Variants in WDR59 observed in about 807,000 individuals in gnomAD.
WDR59 encodes the protein WD repeat domain 59.
In WDR59, 100 loss-of-function variants were observed where a neutral mutation model predicts 131.2. The observed-to-expected ratio is 0.76, with a 90% CI of 0.65 to 0.90. The LOEUF is 0.90. WDR59 is among the 40% of genes least tolerant of loss of function. WDR59 has a pLI of 0.00. For synonymous variants in WDR59, 601 were observed against 466.2 expected (o/e 1.29, Z -3.72); for missense variants, 1,203 against 1,262.2 (o/e 0.95, Z 0.71).
intron 9 of WDR59, among the ~76,000 whole-genome samples, chr16:74,922,705 CCA>C (rs1483909554): frequency 6.6e-6 from 1 of 152,198 alleles, no homozygotes; most frequent in East Asian, 1.9e-4. Context: ...AAGGAATAAA[CCA>C]CAGTCACCAA....
At chr16:74,937,251 A>G (rs1264379236) in intron 8 of WDR59, among the ~76,000 whole-genome samples, 2 of 152,328 alleles carry the variant, frequency 1.3e-5, no homozygotes, top group East Asian at 3.9e-4. Flanking sequence ...GGGTTACTGA[A>G]ACACATAAAA....
intron 8 of WDR59, among the ~76,000 whole-genome samples, chr16:74,929,902 A>G (rs2031225148): frequency 6.6e-6 from 1 of 152,244 alleles, no homozygotes; most frequent in Non-Finnish European, 1.5e-5. Context: ...ACTAGAGGAC[A>G]TTATGTTCAG....
intron 7 of WDR59, among the ~76,000 whole-genome samples, chr16:74,940,392 A>G (rs1474406129): frequency 6.6e-6 from 1 of 151,730 alleles, no homozygotes; most frequent in African/African-American, 2.4e-5. Context: ...AAAAAAAAAA[A>G]ACAACAACAA....
intron 25 of WDR59, among the ~76,000 whole-genome samples, chr16:74,877,932 C>G (rs1175150920): frequency 2.0e-5 from 3 of 152,186 alleles, no homozygotes; most frequent in Admixed American, 2.0e-4. Flanking sequence ...TGCTTATATC[C>G]AATCACCTCT....
At position 74,984,876 on chromosome 16, in the gene WDR59, G is replaced by A. The variant is rs978707645; in HGVS notation, c.54+88C>T. The A allele has an allele frequency of 1.6e-4, 241 of 1,540,824 alleles. 2 individuals carry two copies. The South Asian group carries it at 2.5e-3, about 16-fold the overall frequency. ...TCAGTACGGGGCCTAGGGTCTCCCC[G>A]TAGCCCCCCGGGACGGAAGCAGCCG... is the stretch of plus-strand genomic sequence containing the variant. On this transcript the variant is annotated intron_variant, in intron 1 of 25. Transcript: ENST00000262144.
chr16:74,981,890 A>C (rs2034444696), intron 1 of WDR59, among the ~76,000 whole-genome samples: 1 of 137,126 alleles, frequency 7.3e-6, no homozygotes, highest in South Asian at 2.3e-4. Context: ...TCCTGACCTC[A>C]GGTGATCCGC....
At chr16:74,933,546 T>C (rs535389148) in intron 8 of WDR59, among the ~76,000 whole-genome samples, 97 of 152,234 alleles carry the variant, frequency 6.4e-4, no homozygotes, top group Non-Finnish European at 1.1e-3. Flanking sequence ...TATTTAACTT[T>C]AGTTTCACTA....
intron 8 of WDR59, among the ~76,000 whole-genome samples, chr16:74,934,888 T>C (rs1466949057): frequency 2.0e-5 from 3 of 151,886 alleles, no homozygotes; most frequent in African/African-American, 7.3e-5. Flanking sequence ...TCCTTGAGGG[T>C]TGATGTCCTA....
intron 15 of WDR59, 68 bp downstream of exon 15, chr16:74,909,753 AT>A: frequency 6.3e-7 from 1 of 1,581,758 alleles, no homozygotes; most frequent in Non-Finnish European, 8.6e-7. Context: ...AAAACCCATG[AT>A]TTTAGGGAGA....
intron 13 of WDR59, among the ~76,000 whole-genome samples, chr16:74,912,848 T>C (rs1966167720): frequency 6.6e-6 from 1 of 152,242 alleles, no homozygotes; most frequent in African/African-American, 2.4e-5. Flanking sequence ...TGGCTAGCTA[T>C]CTGCAGCAGG....
chr16:74,926,361 G>T (rs545070760), intron 8 of WDR59, among the ~76,000 whole-genome samples: 217 of 152,136 alleles, frequency 1.4e-3, no homozygotes, highest in African/African-American at 4.7e-3. Context: ...CCCAGCTGAT[G>T]TATAATCATT....
chr16:74,942,697 G>A (rs1192007203), intron 7 of WDR59, 41 bp downstream of exon 7: 1 of 1,594,200 alleles, frequency 6.3e-7, no homozygotes, highest in South Asian at 1.1e-5. Flanking sequence ...CCCTCTGGGA[G>A]GGATCAAAGA....
intron 11 of WDR59, 21 bp from the exon 12 acceptor site, chr16:74,916,280 T>G: frequency 6.2e-7 from 1 of 1,613,382 alleles, no homozygotes; most frequent in East Asian, 2.2e-5. Flanking sequence ...GGGTAGAAGA[T>G]GTAGTTCTAG....
At chr16:74,880,199 G>A (rs12918687) in intron 25 of WDR59, among the ~76,000 whole-genome samples, 620 of 152,278 alleles carry the variant, frequency 4.1e-3, no homozygotes, top group Admixed American at 8.0e-3. Flanking sequence ...TGTAATCCCA[G>A]CACTTTGGGA....
At chr16:74,902,639 TG>T (rs1487479345) in intron 18 of WDR59, among the ~76,000 whole-genome samples, 1 of 152,142 alleles carries the variant, frequency 6.6e-6, no homozygotes, top group Non-Finnish European at 1.5e-5. Context: ...CCTCTTGGAT[TG>T]AAAGACCTCC....
intron 8 of WDR59, among the ~76,000 whole-genome samples, chr16:74,936,740 C>A (rs542591580): frequency 6.6e-6 from 1 of 151,998 alleles, no homozygotes; most frequent in Non-Finnish European, 1.5e-5. Context: ...GCAGGAGAAT[C>A]GCTTGAACCC....
intron 2 of WDR59, among the ~76,000 whole-genome samples, chr16:74,959,007 C>T (rs894349572): frequency 9.2e-5 from 14 of 152,024 alleles, no homozygotes; most frequent in African/African-American, 3.4e-4. Flanking sequence ...TGCAGTGAGC[C>T]GAGATCGCAC....
At chr16:74,936,345 T>C (rs1271907969) in intron 8 of WDR59, among the ~76,000 whole-genome samples, 2 of 151,932 alleles carry the variant, frequency 1.3e-5, no homozygotes, top group Non-Finnish European at 2.9e-5. Flanking sequence ...AAAGAAAAAA[T>C]ATATAAAGTC....
intron 13 of WDR59, among the ~76,000 whole-genome samples, chr16:74,913,654 A>G (rs1966216129): frequency 6.6e-6 from 1 of 152,174 alleles, no homozygotes; most frequent in Non-Finnish European, 1.5e-5. Flanking sequence ...GAAACTTGTT[A>G]TATTTACTTT....
Sources: allele counts gnomAD v4.1 joint callset (sites outside exome capture counted in the v4.1 genomes callset), GRCh38; gene constraint gnomAD v4.1.1; transcripts MANE v1.5; gene names NCBI Gene and HGNC (gene_info 2026-07-23, HGNC 2026-07-21).